Variants in USH2A observed in about 807,000 individuals in gnomAD.
The protein encoded by USH2A is usherin, also known as Usher syndrome 2A (autosomal recessive, mild).
A neutral mutation model predicts 538.9 loss-of-function variants in USH2A; 443 were observed. That is an observed-to-expected ratio of 0.82 (90% confidence interval 0.76 to 0.89). The LOEUF is 0.89. Ranked by LOEUF, USH2A falls within the 40% of genes least tolerant of loss-of-function variation. The pLI is 0.00. For synonymous variants in USH2A, 2,413 were observed against 2,273.5 expected, an observed-to-expected ratio of 1.06 and a Z score of -1.75; for missense variants, 6,633 against 6,324.8, an observed-to-expected ratio of 1.05 and a Z score of -1.65.
chr1:216,242,035 AG>A (rs2035948372), intron 13 of USH2A, among the ~76,000 whole-genome samples: 1 of 152,126 alleles, frequency 6.6e-6, no homozygotes, highest in Admixed American at 6.6e-5. Context: ...CCCTTGTTAA[AG>A]TTTCAATATC....
intron 21 of USH2A, among the ~76,000 whole-genome samples, chr1:216,125,653 A>AT (rs977984653): frequency 6.6e-6 from 1 of 152,132 alleles, no homozygotes; most frequent in African/African-American, 2.4e-5. Flanking sequence ...TTTTATCAGT[A>AT]TTTTTTTAGT....
intron 61 of USH2A, among the ~76,000 whole-genome samples, chr1:215,717,111 C>T (rs1029812929): frequency 2.0e-5 from 3 of 152,040 alleles, no homozygotes; most frequent in South Asian, 2.1e-4. Flanking sequence ...AATTCAGAGC[C>T]GAGATGGAGA....
intron 22 of USH2A, among the ~76,000 whole-genome samples, chr1:216,096,258 G>A (rs1430061411): frequency 6.6e-6 from 1 of 152,128 alleles, no homozygotes; most frequent in Non-Finnish European, 1.5e-5. Context: ...TCATCTCAGT[G>A]TACTGAATGT....
intron 21 of USH2A, among the ~76,000 whole-genome samples, chr1:216,138,487 T>C (rs1274982483): frequency 6.6e-6 from 1 of 152,218 alleles, no homozygotes; most frequent in Admixed American, 6.5e-5. Flanking sequence ...AATTTTATCA[T>C]GCACTTCCCT....
At chr1:216,074,311 T>C (rs1450830174) in intron 27 of USH2A, among the ~76,000 whole-genome samples, 2 of 138,962 alleles carry the variant, frequency 1.4e-5, no homozygotes, top group Non-Finnish European at 3.1e-5. Context: ...TTGAGATTGC[T>C]GTAGCGTGCA....
At chr1:216,212,948 A>T (rs1006833850) in intron 15 of USH2A, among the ~76,000 whole-genome samples, 3 of 152,108 alleles carry the variant, frequency 2.0e-5, no homozygotes, top group Admixed American at 2.0e-4. Context: ...TCACACACAG[A>T]TCCTGCATGA....
At position 215,844,284 on chromosome 1, in the gene USH2A, A is replaced by C; in HGVS notation, c.9258+10T>G. ...CCATAAGCCTAACCATCAAAAAACA[A>C]TGTTCTAACCTGAATGTCATAGATA... On this transcript the variant is annotated intron_variant, in intron 46 of 71. Coordinates refer to ENST00000307340, the MANE Select transcript of USH2A (RefSeq NM_206933.4). 1 of 1,613,052 alleles carries C rather than the reference A, an allele frequency of 6.2e-7. No individual in the cohort carries two copies. Among genetic ancestry groups the C allele is most frequent in the Non-Finnish European group, 8.5e-7 (1 of 1,179,486 alleles).
chr1:216,313,440 A>G (rs1480890343), intron 9 of USH2A, among the ~76,000 whole-genome samples: 4 of 152,178 alleles, frequency 2.6e-5, no homozygotes, highest in Admixed American at 6.5e-5. Context: ...GTGCAACAGA[A>G]TGGCTAGAGG....
chr1:215,866,251 A>C (rs1664465279), intron 44 of USH2A, among the ~76,000 whole-genome samples: 2 of 152,310 alleles, frequency 1.3e-5, no homozygotes, highest in East Asian at 3.9e-4. Flanking sequence ...GGATTGACAC[A>C]AATTAACAGA....
intron 11 of USH2A, among the ~76,000 whole-genome samples, chr1:216,274,533 A>T (rs2036634150): frequency 6.6e-6 from 1 of 152,110 alleles, no homozygotes; most frequent in African/African-American, 2.4e-5. Flanking sequence ...CTAGAGAAGA[A>T]AAGTCCACAT....
At chr1:215,861,418 T>C (rs1359721015) in intron 44 of USH2A, among the ~76,000 whole-genome samples, 2 of 152,180 alleles carry the variant, frequency 1.3e-5, no homozygotes, top group African/African-American at 4.8e-5. Flanking sequence ...ATATAATAGT[T>C]TAAATAAAAT....
In USH2A at chr1:216,331,169, T is replaced by C. The variant is rs141475912; in HGVS notation, c.785-3515A>G. ...CCATCCCAAATAAAAGAATTATGATTTGAGGTGAGAATACTATCAAATATT... is the reference window on the plus strand; with the variant it reads ...CCATCCCAAATAAAAGAATTATGATCTGAGGTGAGAATACTATCAAATATT... On this transcript the variant is annotated intron_variant, in intron 4 of 71. Transcript: ENST00000307340. 1.2e-3 allele frequency among the ~76,000 whole-genome samples: 184 copies of C among 152,212 alleles called. 3 individuals are homozygous for C. The East Asian group carries it at 0.023, about 19-fold the overall frequency.
At chr1:215,726,851 T>G (rs972838270) in intron 61 of USH2A, among the ~76,000 whole-genome samples, 1 of 152,196 alleles carries the variant, frequency 6.6e-6, no homozygotes, top group Non-Finnish European at 1.5e-5. Context: ...TTAAAGCTAG[T>G]AGATAGTGGA....
Position 216,192,982 on chromosome 1 carries a change from G to A in USH2A, c.4252-2615C>T, listed in dbSNP as rs532161973. Among the ~76,000 whole-genome samples, 36 of 152,160 alleles carry A rather than the reference G, an allele frequency of 2.4e-4. No homozygotes were observed. The South Asian group carries it at 5.2e-3, about 22-fold the overall frequency. On this transcript the variant is annotated intron_variant, in intron 19 of 71. Transcript: ENST00000307340. ...TGAATAAAACCAGAAGCAGAGAGAC[G>A]TGTGATACAGCTAATAATTGGGAGA...
chr1:216,143,392 C>T (rs981674517), intron 21 of USH2A, among the ~76,000 whole-genome samples: 1 of 151,978 alleles, frequency 6.6e-6, no homozygotes, highest in African/African-American at 2.4e-5. Context: ...AGTCACAGTA[C>T]TTAGGGCACC....
Position 215,936,642 on chromosome 1 carries a change from G to A in USH2A, c.7121-1847C>T, listed in dbSNP as rs549775380. On this transcript the variant is annotated intron_variant, in intron 37 of 71. Transcript: ENST00000307340. Reference sequence around the variant, plus strand: ...TGTTTTTGTTGTAATCCATACAACTGATACATTCTAGCCATTCAGAACTAG... The same window carrying A: ...TGTTTTTGTTGTAATCCATACAACTAATACATTCTAGCCATTCAGAACTAG... Among the ~76,000 whole-genome samples, 20 of 152,164 alleles carry A rather than the reference G, an allele frequency of 1.3e-4. No individual in the cohort carries two copies. The South Asian group carries it at 3.9e-3, about 30-fold the overall frequency.
At chr1:216,335,682 A>G (rs1383974671) in intron 4 of USH2A, among the ~76,000 whole-genome samples, 2 of 151,668 alleles carry the variant, frequency 1.3e-5, no homozygotes, top group African/African-American at 2.4e-5. Context: ...GATAAAATAG[A>G]CAAATTCCAA....
chr1:216,337,443 G>A (rs866354416), intron 4 of USH2A, among the ~76,000 whole-genome samples: 1 of 151,394 alleles, frequency 6.6e-6, no homozygotes, highest in Admixed American at 6.6e-5. Context: ...GGTAGCATAG[G>A]CATGAAAATT....
chr1:216,343,287 G>T (rs1178253803), intron 4 of USH2A, among the ~76,000 whole-genome samples: 4 of 150,304 alleles, frequency 2.7e-5, no homozygotes, highest in Non-Finnish European at 4.4e-5. Context: ...AGCTGGGCTT[G>T]ATGGTTCATG....
Sources: allele counts gnomAD v4.1 joint callset (sites outside exome capture counted in the v4.1 genomes callset), GRCh38; gene constraint gnomAD v4.1.1; transcripts MANE v1.5; gene names NCBI Gene and HGNC (gene_info 2026-07-23, HGNC 2026-07-21).